GRB14: variants seen among roughly 807,000 people sequenced by gnomAD.
GRB14 encodes the protein growth factor receptor-bound protein 14.
A neutral mutation model predicts 69.1 loss-of-function variants in GRB14; 38 were observed. That is an observed-to-expected ratio of 0.55 (90% CI 0.42 to 0.72). The LOEUF is 0.72. Ranked by LOEUF, GRB14 falls within the 30% of genes least tolerant of loss-of-function variation. GRB14 has a pLI of 0.00. For synonymous variants in GRB14, 247 were observed against 241.3 expected (o/e 1.02, Z -0.22); for missense variants, 666 against 666.1 (o/e 1.00, Z 0.00).
intron 6 of GRB14, among the ~76,000 whole-genome samples, chr2:164,513,343 A>G (rs934977719): frequency 1.3e-5 from 2 of 152,226 alleles, no homozygotes; most frequent in African/African-American, 4.8e-5. Context: ...AGGAAATTAT[A>G]AATGTAACCT....
intron 2 of GRB14, among the ~76,000 whole-genome samples, chr2:164,566,532 G>A (rs1330171677): frequency 6.6e-6 from 1 of 152,038 alleles, no homozygotes; most frequent in East Asian, 1.9e-4. Context: ...ATCACAATGA[G>A]GTGACCATTG....
At chr2:164,521,545 A>G (rs1687634136) in intron 6 of GRB14, among the ~76,000 whole-genome samples, 1 of 152,134 alleles carries the variant, frequency 6.6e-6, no homozygotes, top group South Asian at 2.1e-4. Flanking sequence ...AAAGAGCAAT[A>G]AATGACTCAG....
intron 12 of GRB14, among the ~76,000 whole-genome samples, chr2:164,496,714 T>C (rs1194205658): frequency 6.6e-6 from 1 of 152,166 alleles, no homozygotes; most frequent in Non-Finnish European, 1.5e-5. Flanking sequence ...CATCAATTGA[T>C]ATCTGAGATG....
At chr2:164,493,723 G>C (rs573368123) in intron 13 of GRB14, among the ~76,000 whole-genome samples, 1 of 152,214 alleles carries the variant, frequency 6.6e-6, no homozygotes, top group African/African-American at 2.4e-5. Context: ...AATAAAAGAA[G>C]TAGGGAGGAT....
chr2:164,595,897 G>A (rs1020876292), intron 2 of GRB14, among the ~76,000 whole-genome samples: 6 of 152,114 alleles, frequency 3.9e-5, no homozygotes, highest in South Asian at 2.1e-4. Context: ...AGGCCAAGGC[G>A]GGCGAATGAC....
chr2:164,580,295 G>T (rs1201969887), intron 2 of GRB14, among the ~76,000 whole-genome samples: 1 of 151,992 alleles, frequency 6.6e-6, no homozygotes, highest in Non-Finnish European at 1.5e-5. Flanking sequence ...GTTTTGCCAT[G>T]TTGGCCAGGC....
At chr2:164,504,532 T>C (rs1687142029) in intron 8 of GRB14, among the ~76,000 whole-genome samples, 1 of 152,138 alleles carries the variant, frequency 6.6e-6, no homozygotes, top group African/African-American at 2.4e-5. Context: ...GAGCAAGCCC[T>C]GGCTTCCTGT....
At chr2:164,511,672 G>A (rs1244723227) in intron 6 of GRB14, among the ~76,000 whole-genome samples, 2 of 152,116 alleles carry the variant, frequency 1.3e-5, no homozygotes, top group Non-Finnish European at 2.9e-5. Context: ...GCTGGCTTCA[G>A]GTGAAACCTA....
intron 2 of GRB14, among the ~76,000 whole-genome samples, chr2:164,604,946 G>T (rs1690009527): frequency 6.6e-6 from 1 of 152,156 alleles, no homozygotes; most frequent in Non-Finnish European, 1.5e-5. Context: ...CAAAGGAGAT[G>T]GTGGTACAAC....
chr2:164,523,416 T>A (rs925407195), intron 5 of GRB14, among the ~76,000 whole-genome samples: 8 of 145,494 alleles, frequency 5.5e-5, no homozygotes, highest in African/African-American at 1.5e-4. Context: ...GTGTCTCATT[T>A]AAAAAAAAAA....
intron 5 of GRB14, among the ~76,000 whole-genome samples, chr2:164,523,422 A>G (rs931003714): frequency 6.6e-6 from 1 of 152,110 alleles, no homozygotes; most frequent in Non-Finnish European, 1.5e-5. Context: ...CATTTAAAAA[A>G]AAAAAGAAAA....
At chr2:164,620,526 AAGT>A (rs1254994472) in intron 1 of GRB14, among the ~76,000 whole-genome samples, 47 of 151,848 alleles carry the variant, frequency 3.1e-4, no homozygotes, top group Non-Finnish European at 6.3e-4. Flanking sequence ...AGGAAAAAAA[AAGT>A]AACATTTAAA....
At chr2:164,580,989 G>A (rs1348249289) in intron 2 of GRB14, among the ~76,000 whole-genome samples, 2 of 152,174 alleles carry the variant, frequency 1.3e-5, no homozygotes, top group African/African-American at 4.8e-5. Context: ...CTAGTTGTTA[G>A]GATGACACTT....
At chr2:164,516,264 A>C (rs955842305) in intron 6 of GRB14, among the ~76,000 whole-genome samples, 1 of 152,116 alleles carries the variant, frequency 6.6e-6, no homozygotes, top group African/African-American at 2.4e-5. Context: ...AATAGTCATC[A>C]GGTTATCCAA....
At chr2:164,565,138 G>C (rs1363755468) in intron 2 of GRB14, among the ~76,000 whole-genome samples, 2 of 152,162 alleles carry the variant, frequency 1.3e-5, no homozygotes, top group African/African-American at 4.8e-5. Context: ...TTCCATAAAA[G>C]AATGTGAATT....
chr2:164,527,147 G>A lies in GRB14; in HGVS notation c.482-12C>T, dbSNP rs758590334. On this transcript the variant is annotated splice_polypyrimidine_tract_variant and intron_variant, in intron 3 of 13. Transcript: ENST00000263915. ...TTCTATTGTTCTTTCTGTAAAGAAT[G>A]TTTCAATGAGTATGTTGACAGATAG... 5 of 1,343,274 alleles carry A rather than the reference G, an allele frequency of 3.7e-6. No homozygotes were observed. Among genetic ancestry groups the A allele is most frequent in the Non-Finnish European group, 5.1e-6 (5 of 978,814 alleles). 83.2% of individuals were successfully genotyped at this position (1,343,274 alleles called of 1,614,324 possible). A position where few individuals can be genotyped will look rare whatever the true frequency, so the allele number is the denominator to read the frequency against.
chr2:164,494,631 T>TC (rs1426891725), intron 12 of GRB14, 107 bp from the exon 13 acceptor site: 2 of 732,650 alleles, frequency 2.7e-6, no homozygotes, highest in Non-Finnish European at 5.0e-6. Flanking sequence ...AGCTGGGGAC[T>TC]CCTTTACTAT....
intron 2 of GRB14, among the ~76,000 whole-genome samples, chr2:164,604,606 A>G (rs6736540): frequency 0.83 from 125,226 of 151,782 alleles, 52,536 homozygotes; most frequent in African/African-American, 0.95. Context: ...GACACAAAGC[A>G]GAAGCAATCA....
At position 164,508,115 on chromosome 2, in the gene GRB14, G is replaced by A. The variant is rs376432216; in HGVS notation, c.1023+340C>T. Reference sequence around the variant, plus strand: ...CACATTTTAAAATACACTTTACCTTGGATTGTTGGCAACGTTTTAAGAGTG... The same window carrying A: ...CACATTTTAAAATACACTTTACCTTAGATTGTTGGCAACGTTTTAAGAGTG... On this transcript the variant is annotated intron_variant, in intron 8 of 13. Coordinates refer to ENST00000263915, the MANE Select transcript of GRB14 (RefSeq NM_004490.3). Among the ~76,000 whole-genome samples the A allele has an allele frequency of 7.2e-5, 11 of 152,216 alleles. No homozygotes were observed. In the East Asian group the frequency reaches 1.5e-3, roughly 21 times the overall value.
Sources: allele counts gnomAD v4.1 joint callset (sites outside exome capture counted in the v4.1 genomes callset), GRCh38; gene constraint gnomAD v4.1.1; transcripts MANE v1.5; gene names NCBI Gene and HGNC (gene_info 2026-07-23, HGNC 2026-07-21).